ANAPC10: variants seen among roughly 807,000 people sequenced by gnomAD.
ANAPC10 encodes the protein anaphase promoting complex subunit 10.
A neutral mutation model predicts 22.0 loss-of-function variants in ANAPC10; 12 were observed. The ratio of observed to expected loss-of-function variants is 0.55; its 90% CI spans 0.35 to 0.88. The LOEUF is 0.88. ANAPC10 is among the 40% of genes least tolerant of loss of function. The pLI, the probability that ANAPC10 is intolerant of heterozygous loss-of-function variation, is 0.01. For synonymous variants in ANAPC10, 65 were observed against 69.5 expected (o/e 0.94, Z 0.32); for missense variants, 188 against 220.9 (o/e 0.85, Z 0.94).
intron 3 of ANAPC10, among the ~76,000 whole-genome samples, chr4:145,076,237 G>A (rs1745177190): frequency 6.6e-6 from 1 of 152,168 alleles, no homozygotes. Flanking sequence ...GGCCCCTCCA[G>A]TACAGCAGTT....
At chr4:145,040,308 C>T (rs979183117) in intron 4 of ANAPC10, among the ~76,000 whole-genome samples, 1 of 152,198 alleles carries the variant, frequency 6.6e-6, no homozygotes, top group Middle Eastern at 3.4e-3. Context: ...GCCACCACAC[C>T]CAGCTAATTT....
intron 3 of ANAPC10, among the ~76,000 whole-genome samples, chr4:145,067,774 G>T (rs1743921593): frequency 6.6e-6 from 1 of 152,138 alleles, no homozygotes; most frequent in African/African-American, 2.4e-5. Context: ...CATATTCCTA[G>T]TTGCCTAACC....
intron 3 of ANAPC10, among the ~76,000 whole-genome samples, chr4:145,078,773 G>C (rs1010769550): frequency 2.6e-5 from 4 of 152,082 alleles, no homozygotes; most frequent in Non-Finnish European, 2.9e-5. Context: ...ACAAGCAAAG[G>C]GGAAGGAACT....
chr4:145,062,607 C>CAAAGA (rs1336575313), intron 4 of ANAPC10, among the ~76,000 whole-genome samples: 2 of 149,018 alleles, frequency 1.3e-5, no homozygotes, highest in Non-Finnish European at 3.0e-5. Flanking sequence ...ACTCCGTCTC[C>CAAAGA]AAAGAAAAGA....
intron 4 of ANAPC10, among the ~76,000 whole-genome samples, chr4:145,016,123 A>C (rs1338016794): frequency 6.6e-6 from 1 of 152,196 alleles, no homozygotes; most frequent in Non-Finnish European, 1.5e-5. Context: ...TGGCCAGGGC[A>C]ATCAGGCAGG....
chr4:145,007,687 G>C (rs1384353511), intron 4 of ANAPC10, among the ~76,000 whole-genome samples: 2 of 152,092 alleles, frequency 1.3e-5, no homozygotes, highest in Non-Finnish European at 2.9e-5. Flanking sequence ...AGTGTGTAGA[G>C]GGAAATTTAT....
rs189585945 is a variant in ANAPC10 at position 145,009,880 on chromosome 4, A to C, written c.328-14277T>G. On this transcript the variant is annotated intron_variant, in intron 4 of 4. Transcript: ENST00000507656. ...CAAAAGAAACTACCATCAGAGTGAAAAGGCAACCTACAAAATGGGAGAAAA... is the reference window on the plus strand; with the variant it reads ...CAAAAGAAACTACCATCAGAGTGAACAGGCAACCTACAAAATGGGAGAAAA... Among the ~76,000 whole-genome samples, 1,011 of 152,198 alleles carry C rather than the reference A, an allele frequency of 6.6e-3. 17 individuals are homozygous for C. The highest frequency in any genetic ancestry group is 0.023 in the African/African-American group (968 of 41,500).
chr4:145,062,800 G>A (rs968132373), intron 4 of ANAPC10, among the ~76,000 whole-genome samples: 1 of 151,986 alleles, frequency 6.6e-6, no homozygotes, highest in Non-Finnish European at 1.5e-5. Context: ...AATAAACTGT[G>A]GGGTATATAT....
At chr4:145,096,363 G>C (rs1386493092) in intron 1 of ANAPC10, among the ~76,000 whole-genome samples, 1 of 152,108 alleles carries the variant, frequency 6.6e-6, no homozygotes, top group Non-Finnish European at 1.5e-5. Flanking sequence ...TTCAAGACCA[G>C]CCTGGACAAC....
At chr4:145,052,376 C>T (rs1056462050) in intron 4 of ANAPC10, among the ~76,000 whole-genome samples, 2 of 152,048 alleles carry the variant, frequency 1.3e-5, no homozygotes, top group South Asian at 4.2e-4. Flanking sequence ...TAAATATACA[C>T]AATTTTCTGT....
intron 2 of ANAPC10, among the ~76,000 whole-genome samples, chr4:145,086,206 A>G (rs1488041746): frequency 6.6e-6 from 1 of 152,126 alleles, no homozygotes; most frequent in Non-Finnish European, 1.5e-5. Flanking sequence ...CAAGTGATCC[A>G]CTGGCCTCAG....
chr4:145,045,393 C>T (rs1740152166), intron 4 of ANAPC10, among the ~76,000 whole-genome samples: 5 of 151,976 alleles, frequency 3.3e-5, no homozygotes, highest in Admixed American at 3.3e-4. Context: ...AGATCTGAAA[C>T]CAGATCTGTC....
chr4:145,017,031 T>A (rs1735273323), intron 4 of ANAPC10, among the ~76,000 whole-genome samples: 1 of 152,264 alleles, frequency 6.6e-6, no homozygotes, highest in East Asian at 1.9e-4. Flanking sequence ...GAAGAAAACC[T>A]AGGCATTACC....
chr4:145,003,269 A>T (rs1044998156), intron 4 of ANAPC10, among the ~76,000 whole-genome samples: 1 of 152,168 alleles, frequency 6.6e-6, no homozygotes, highest in African/African-American at 2.4e-5. Context: ...ATGTACATTT[A>T]AAAAATCTAC....
intron 3 of ANAPC10, among the ~76,000 whole-genome samples, chr4:145,067,206 T>C (rs771659414): frequency 6.6e-6 from 1 of 152,182 alleles, no homozygotes; most frequent in African/African-American, 2.4e-5. Context: ...ATGTTTCAAA[T>C]AGCAATGCAT....
intron 2 of ANAPC10, among the ~76,000 whole-genome samples, chr4:145,082,095 C>T (rs929832704): frequency 6.6e-6 from 1 of 152,026 alleles, no homozygotes; most frequent in African/African-American, 2.4e-5. Context: ...ACATACAAAC[C>T]CTATATTAGG....
At chr4:145,095,637 T>C (rs1387134289) in intron 2 of ANAPC10, among the ~76,000 whole-genome samples, 2 of 152,164 alleles carry the variant, frequency 1.3e-5, no homozygotes, top group African/African-American at 2.4e-5. Context: ...AGACATTTTA[T>C]CTCTCACATC....
intron 4 of ANAPC10, among the ~76,000 whole-genome samples, chr4:145,015,023 A>T (rs1304968373): frequency 3.9e-5 from 6 of 152,030 alleles, no homozygotes; most frequent in African/African-American, 1.5e-4. Flanking sequence ...ATGACAAAAC[A>T]AGGCTCCTTA....
intron 4 of ANAPC10, among the ~76,000 whole-genome samples, chr4:145,021,018 A>T (rs1403451257): frequency 3.3e-5 from 5 of 152,120 alleles, no homozygotes; most frequent in Non-Finnish European, 7.4e-5. Flanking sequence ...AAATGACCAT[A>T]CCACCAAAAG....
Sources: gnomAD v4.1 joint callset for allele counts (sites outside exome capture counted in the v4.1 genomes callset) on GRCh38, gnomAD v4.1.1 for gene constraint, MANE v1.5 for transcripts, NCBI Gene and HGNC (gene_info 2026-07-23, HGNC 2026-07-21) for gene names.